The following PLEKHA7 variants were observed in gnomAD, a reference collection of about 807,000 sequenced individuals.
PLEKHA7 encodes pleckstrin homology domain-containing family A member 7.
PLEKHA7 carries 104 observed loss-of-function variants against 170.0 expected under a neutral mutation model. The ratio of observed to expected loss-of-function variants is 0.61; its 90% confidence interval spans 0.52 to 0.72. The LOEUF (loss-of-function observed/expected upper bound fraction) is 0.72, where lower values mean the gene tolerates loss of function less well. Ranked by LOEUF, PLEKHA7 falls within the 30% of genes least tolerant of loss-of-function variation. The probability of loss-of-function intolerance (pLI) is 0.00; values close to 1 mark genes in which losing one functional copy is unlikely to be tolerated. For synonymous variants in PLEKHA7, 648 were observed against 660.8 expected (o/e 0.98, Z 0.30); for missense variants, 1,615 against 1,671.7 (o/e 0.97, Z 0.59).
At chr11:16,782,212 C>G (rs1024500638) in intron 26 of PLEKHA7, among the ~76,000 whole-genome samples, 6 of 151,878 alleles carry the variant, frequency 4.0e-5, no homozygotes, top group Non-Finnish European at 7.4e-5. Flanking sequence ...TTATTTTTTT[C>G]CAATTGGACT....
chr11:16,899,195 T>C (rs1434084797), intron 3 of PLEKHA7, among the ~76,000 whole-genome samples: 1 of 152,194 alleles, frequency 6.6e-6, no homozygotes, highest in Non-Finnish European at 1.5e-5. Flanking sequence ...GTGTTCAATA[T>C]AGACAAAACT....
chr11:16,826,204 G>A lies in PLEKHA7; in HGVS notation c.1259C>T (p.Thr420Ile), dbSNP rs1343950319. The change falls in exon 10 of 27, where the codon ACC (threonine) becomes ATC (isoleucine). Residue 420 changes from threonine to isoleucine, a missense_variant. By Grantham distance (89) the Thr-to-Ile change is moderately conservative. Coordinates refer to ENST00000531066, the MANE Select transcript of PLEKHA7 (RefSeq NM_001329630.2). ...GGYQRAFPPR[T>I]NPEKHSQRKS... is the part of the protein sequence containing the mutation. ...CCTTTGGCTGTGTTTTTCAGGGTTG[G>A]TCCTGGGAGGAAAGGCCCGCTGGTA... 1.9e-6 allele frequency: 3 copies of A among 1,614,178 alleles called. No homozygotes were observed. The highest frequency in any genetic ancestry group is 2.2e-5 in the East Asian group (1 of 44,874).
chr11:16,996,784 A>C (rs1020669261), intron 3 of PLEKHA7, among the ~76,000 whole-genome samples: 1 of 152,038 alleles, frequency 6.6e-6, no homozygotes, highest in African/African-American at 2.4e-5. Context: ...AAAATACAAA[A>C]AATTAGCTGG....
intron 3 of PLEKHA7, among the ~76,000 whole-genome samples, chr11:16,903,957 A>G (rs1334319578): frequency 1.3e-5 from 2 of 152,170 alleles, no homozygotes; most frequent in Non-Finnish European, 2.9e-5. Context: ...ATTCTTCAAC[A>G]TGGTACAAAG....
At chr11:16,955,644 A>T (rs1003922448) in intron 3 of PLEKHA7, among the ~76,000 whole-genome samples, 9 of 152,172 alleles carry the variant, frequency 5.9e-5, no homozygotes, top group African/African-American at 1.7e-4. Context: ...TGGAGCTCTA[A>T]GTTTTTATTG....
At chr11:16,934,095 G>A (rs1860124586) in intron 3 of PLEKHA7, among the ~76,000 whole-genome samples, 1 of 152,172 alleles carries the variant, frequency 6.6e-6, no homozygotes, top group South Asian at 2.1e-4. Flanking sequence ...GTGGAAGAAA[G>A]ATAAGTTATC....
At chr11:16,881,925 T>C (rs1450315473) in intron 3 of PLEKHA7, among the ~76,000 whole-genome samples, 5 of 152,198 alleles carry the variant, frequency 3.3e-5, no homozygotes, top group African/African-American at 9.7e-5. Flanking sequence ...GATTTAACCA[T>C]GTGGCACTCA....
intron 3 of PLEKHA7, among the ~76,000 whole-genome samples, chr11:16,930,277 A>T (rs992624334): frequency 5.3e-5 from 8 of 151,922 alleles, no homozygotes; most frequent in African/African-American, 1.5e-4. Flanking sequence ...TGAGGGCCCA[A>T]GTTTCTCAAA....
chr11:16,925,214 C>A (rs1859423878), intron 3 of PLEKHA7, among the ~76,000 whole-genome samples: 1 of 152,226 alleles, frequency 6.6e-6, no homozygotes, highest in Non-Finnish European at 1.5e-5. Flanking sequence ...AAGCGGCGCT[C>A]TCTGCTGCTG....
rs369256693 is a variant in PLEKHA7, at chr11:17,012,862, G to A, written c.221+1127C>T. ...GCAATAGAACCGCAGCAAGGCCCTA[G>A]TCCTTAGGTCTGTAAATCTCACCCA... On this transcript the variant is annotated intron_variant, in intron 3 of 26. Transcript: ENST00000531066. Among the ~76,000 whole-genome samples, 76 of 152,300 alleles carry A rather than the reference G, an allele frequency of 5.0e-4. 1 individual carries two copies. In the South Asian group the frequency reaches 0.016, roughly 31 times the overall value.
At chr11:17,013,226 C>T (rs73431225) in intron 3 of PLEKHA7, 4,933 of 152,474 alleles carry the variant, frequency 0.032, 281 homozygotes, top group African/African-American at 0.11. Flanking sequence ...GGAGCCTGAC[C>T]CGCGCCTTCA....
chr11:17,003,357 T>C (rs1049315801), intron 3 of PLEKHA7, among the ~76,000 whole-genome samples: 1 of 152,202 alleles, frequency 6.6e-6, no homozygotes, highest in African/African-American at 2.4e-5. Flanking sequence ...TGCATGCCCC[T>C]GACTCCGGCA....
At chr11:16,790,628 G>T in intron 21 of PLEKHA7, 170 bp downstream of exon 21, 1 of 618,446 alleles carries the variant, frequency 1.6e-6, no homozygotes, top group Non-Finnish European at 2.8e-6. Flanking sequence ...CAGGATGTGG[G>T]CCAGAGGAAG....
At chr11:16,841,463 A>T in intron 9 of PLEKHA7, 84 bp downstream of exon 9, 4 of 1,433,180 alleles carry the variant, frequency 2.8e-6, no homozygotes, top group Non-Finnish European at 3.8e-6. Flanking sequence ...GAGTAAATGG[A>T]ATCTCAGGCA....
chr11:16,938,162 C>T (rs1565135483), intron 3 of PLEKHA7, among the ~76,000 whole-genome samples: 1 of 152,104 alleles, frequency 6.6e-6, no homozygotes, highest in Non-Finnish European at 1.5e-5. Context: ...AGGAAGGAGG[C>T]AGGATGCAAA....
intron 3 of PLEKHA7, among the ~76,000 whole-genome samples, chr11:16,930,231 CA>C (rs1418136801): frequency 3.9e-5 from 6 of 152,022 alleles, no homozygotes; most frequent in African/African-American, 1.4e-4. Context: ...ACTCTTAATC[CA>C]AGGACTGAAG....
In PLEKHA7 at chr11:16,791,812, C is replaced by T. The variant is rs1847876860; in HGVS notation, c.2746-613G>A. 5.1e-6 allele frequency: 2 copies of T among 395,102 alleles called. No homozygotes were observed. Among genetic ancestry groups the T allele is most frequent in the South Asian group, 3.7e-5 (2 of 53,612 alleles). The allele number at this position is 395,102 out of a possible 1,614,324, so 24.5% of individuals were successfully genotyped here. A position where few individuals can be genotyped will look rare whatever the true frequency, so the allele number is the denominator to read the frequency against. ...GTGACTCACTGCCTACCATGCAGTT[C>T]ATTCCCTAGAATGTGATGAATGCAA... is the stretch of plus-strand genomic sequence containing the variant. On this transcript the variant is annotated intron_variant, in intron 19 of 26. Coordinates refer to ENST00000531066, the MANE Select transcript of PLEKHA7 (RefSeq NM_001329630.2). This position sits in a 1 kb window ranked among gnomAD's most constrained non-coding sequence, Gnocchi z 4.5.
chr11:16,783,559 C>A, intron 25 of PLEKHA7, 141 bp downstream of exon 25: 1 of 903,314 alleles, frequency 1.1e-6, no homozygotes, highest in Non-Finnish European at 1.5e-6. Flanking sequence ...TACCAGCCTG[C>A]CCCCTCCAAT....
chr11:16,878,916 T>G (rs1855505018), intron 3 of PLEKHA7, among the ~76,000 whole-genome samples: 1 of 152,174 alleles, frequency 6.6e-6, no homozygotes. Flanking sequence ...GAACACTTCA[T>G]CCTTGGCTCT....
Sources: allele counts gnomAD v4.1 joint callset (sites outside exome capture counted in the v4.1 genomes callset), GRCh38; gene constraint gnomAD v4.1.1; non-coding constraint Gnocchi (gnomAD v3.1); transcripts MANE v1.5; gene names NCBI Gene and HGNC (gene_info 2026-07-23, HGNC 2026-07-21).